CDH9: variants seen among roughly 807,000 people sequenced by gnomAD.
CDH9 encodes cadherin 9, also known as cadherin-9.
In CDH9, 28 loss-of-function variants were observed where a neutral mutation model predicts 70.9. That is an observed-to-expected ratio of 0.40 (90% CI 0.29 to 0.54). The LOEUF is 0.54. Among genes scored for constraint, CDH9 ranks in the 20% least tolerant of loss-of-function variants. The pLI is 0.59. For synonymous variants in CDH9, 409 were observed against 343.1 expected (o/e 1.19, Z -2.12); for missense variants, 874 against 984.4 (o/e 0.89, Z 1.50).
chr5:26,919,621 C>T (rs994864970), intron 2 of CDH9, among the ~76,000 whole-genome samples: 1 of 152,128 alleles, frequency 6.6e-6, no homozygotes, highest in Admixed American at 6.5e-5. Flanking sequence ...CCACCTCTCT[C>T]CCAACCACCA....
At chr5:26,887,387 T>G (rs1469949277) in intron 9 of CDH9, among the ~76,000 whole-genome samples, 3 of 151,222 alleles carry the variant, frequency 2.0e-5, no homozygotes, top group Non-Finnish European at 3.0e-5. Flanking sequence ...TAAGTATATT[T>G]TATGAGGATA....
chr5:26,919,190 A>G lies in CDH9; in HGVS notation c.229-3266T>C, dbSNP rs114782135. ...GAAAAAGGTAGAAAAGACAGTCTTG[A>G]ATTGGCTGGACCACTCTTCTCTCAT... is the stretch of plus-strand genomic sequence containing the variant. On this transcript the variant is annotated intron_variant, in intron 2 of 11. Coordinates refer to ENST00000231021, the MANE Select transcript of CDH9 (RefSeq NM_016279.4). Among the ~76,000 whole-genome samples the G allele has an allele frequency of 6.2e-3, 949 of 152,258 alleles. 10 individuals are homozygous for G. Among genetic ancestry groups the G allele is most frequent in the African/African-American group, 0.02 (839 of 41,550 alleles).
chr5:26,884,489 C>T (rs1366147972), intron 11 of CDH9, among the ~76,000 whole-genome samples: 2 of 152,082 alleles, frequency 1.3e-5, no homozygotes, highest in African/African-American at 4.8e-5. Context: ...AAATATTTTA[C>T]AGAGGAGTTG....
intron 2 of CDH9, among the ~76,000 whole-genome samples, chr5:26,967,037 A>G (rs2112068617): frequency 6.6e-6 from 1 of 152,248 alleles, no homozygotes; most frequent in Non-Finnish European, 1.5e-5. Context: ...AGCTTAAGCG[A>G]TCCTCTCACC....
At chr5:26,904,381 A>T (rs1579674122) in intron 5 of CDH9, among the ~76,000 whole-genome samples, 1 of 124 alleles carries the variant, frequency 8.1e-3, no homozygotes, top group Admixed American at 0.17. Context: ...TGGTAACCCT[A>T]AAAAGCATTT....
intron 7 of CDH9, among the ~76,000 whole-genome samples, chr5:26,899,761 C>G (rs531164002): frequency 1.2e-3 from 184 of 151,720 alleles, no homozygotes; most frequent in African/African-American, 4.3e-3. Flanking sequence ...GGAAAAATAC[C>G]TAATGTAGAT....
chr5:26,946,243 G>A (rs1741749835), intron 2 of CDH9, among the ~76,000 whole-genome samples: 1 of 152,136 alleles, frequency 6.6e-6, no homozygotes, highest in Non-Finnish European at 1.5e-5. Flanking sequence ...GAAGGAAGAT[G>A]TGGTGACTTA....
At chr5:26,926,554 C>T (rs1296744323) in intron 2 of CDH9, among the ~76,000 whole-genome samples, 2 of 151,858 alleles carry the variant, frequency 1.3e-5, no homozygotes, top group East Asian at 3.9e-4. Context: ...CCCCATCAAG[C>T]TACCAATGAC....
chr5:27,021,015 G>T (rs1360672640), intron 1 of CDH9, among the ~76,000 whole-genome samples: 1 of 151,732 alleles, frequency 6.6e-6, no homozygotes. Flanking sequence ...TCTAAGTGTA[G>T]ATTTGGCTTA....
Position 27,004,704 on chromosome 5 carries a change from G to T in CDH9, c.-49-16322C>A, listed in dbSNP as rs116012160. On this transcript the variant is annotated intron_variant, in intron 1 of 11. Coordinates refer to ENST00000231021, the MANE Select transcript of CDH9 (RefSeq NM_016279.4). ...CACATGAGATGTTCAGGTTGTGTGT[G>T]GGAGTAGAAAGTCAAGGTTTTGATT... Among the ~76,000 whole-genome samples the T allele has an allele frequency of 7.8e-3, 1,189 of 152,192 alleles. 22 individuals carry two copies. Among genetic ancestry groups the T allele is most frequent in the African/African-American group, 0.027 (1,128 of 41,544 alleles).
chr5:26,979,923 A>G (rs1742370504), intron 2 of CDH9, among the ~76,000 whole-genome samples: 1 of 151,880 alleles, frequency 6.6e-6, no homozygotes, highest in Non-Finnish European at 1.5e-5. Context: ...ACATTTTTAA[A>G]TGGAGCATTT....
chr5:27,020,897 T>C (rs889326703), intron 1 of CDH9, among the ~76,000 whole-genome samples: 5 of 151,726 alleles, frequency 3.3e-5, no homozygotes, highest in African/African-American at 1.2e-4. Context: ...CCTCATACAA[T>C]TGACGGTTAA....
chr5:26,954,388 C>CTTTTTTTTTTTTTTTTTTTTTTTT lies in CDH9; in HGVS notation c.228+33717_228+33718insAAAAAAAAAAAAAAAAAAAAAAAA. ...AGCTTTTCGCTATTATACAGCCTTTCTTTTTTTTTTTTTTGAGACATAGTC... is the reference window on the plus strand; with the variant it reads ...AGCTTTTCGCTATTATACAGCCTTTCTTTTTTTTTTTTTTTTTTTTTTTTTTTTTTTTTTTTTTGAGACATAGTC... On this transcript the variant is annotated intron_variant, in intron 2 of 11. Transcript: ENST00000231021. Among the ~76,000 whole-genome samples the CTTTTTTTTTTTTTTTTTTTTTTTT allele has an allele frequency of 1.5e-3, 144 of 93,042 alleles. 33 individuals carry two copies. Among genetic ancestry groups the CTTTTTTTTTTTTTTTTTTTTTTTT allele is most frequent in the African/African-American group, 6.3e-3 (133 of 21,260 alleles). The allele number at this position is 93,042 out of a possible 152,430, so 61.0% of individuals were successfully genotyped here. A position where few individuals can be genotyped will look rare whatever the true frequency, so the allele number is the denominator to read the frequency against.
rs778204468 is a variant in CDH9, at chr5:26,915,731, G to A, written c.422C>T (p.Pro141Leu). The A allele has an allele frequency of 3.1e-6, 5 of 1,613,250 alleles. No homozygotes were observed. Among genetic ancestry groups the A allele is most frequent in the East Asian group, 2.2e-5 (1 of 44,860 alleles). ...IDRKTGRQVE[P>L]ESEFIIKIHD... ...TATTTTAATGATAAATTCCGATTCC[G>A]GTTCCACCTGCCGCCCAGTTTTTCT... Residue 141 changes from proline (P) to leucine (L), a missense_variant, in exon 3 of 12, where the codon CCG becomes CTG. Coordinates refer to ENST00000231021, the MANE Select transcript of CDH9 (RefSeq NM_016279.4).
chr5:26,916,640 T>C (rs1027820863), intron 2 of CDH9, among the ~76,000 whole-genome samples: 1 of 152,064 alleles, frequency 6.6e-6, no homozygotes, highest in South Asian at 2.1e-4. Context: ...TCTCAAAATA[T>C]CTTGTTGTTA....
intron 5 of CDH9, among the ~76,000 whole-genome samples, chr5:26,904,037 G>GA (rs568250511): frequency 3.5e-4 from 53 of 150,502 alleles, no homozygotes; most frequent in Middle Eastern, 3.4e-3. Context: ...GTAAGTCCCA[G>GA]AAAAAAAAAT....
At chr5:26,947,848 G>A (rs373857824) in intron 2 of CDH9, among the ~76,000 whole-genome samples, 3 of 152,042 alleles carry the variant, frequency 2.0e-5, no homozygotes, top group South Asian at 2.1e-4. Flanking sequence ...CAAATCTTTC[G>A]ATCTCCTCCT....
At chr5:26,929,432 G>C (rs1741400930) in intron 2 of CDH9, among the ~76,000 whole-genome samples, 1 of 151,940 alleles carries the variant, frequency 6.6e-6, no homozygotes. Flanking sequence ...GCAGTTTAGA[G>C]GTTCTTCAAA....
intron 1 of CDH9, among the ~76,000 whole-genome samples, chr5:27,018,396 A>G (rs990852145): frequency 1.3e-5 from 2 of 151,838 alleles, no homozygotes; most frequent in South Asian, 2.1e-4. Context: ...AAATATTTCT[A>G]ACCCATATGT....
Sources: gnomAD v4.1 joint callset for allele counts (sites outside exome capture counted in the v4.1 genomes callset) on GRCh38, gnomAD v4.1.1 for gene constraint, MANE v1.5 for transcripts, NCBI Gene and HGNC (gene_info 2026-07-23, HGNC 2026-07-21) for gene names.